KCNMA1: variants seen among roughly 807,000 people sequenced by gnomAD.
KCNMA1 encodes the protein Calcium-activated potassium channel subunit alpha-1.
KCNMA1 carries 29 observed loss-of-function variants against 140.0 expected under a neutral mutation model. The ratio of observed to expected loss-of-function variants is 0.21; its 90% CI spans 0.15 to 0.28. KCNMA1 has a LOEUF of 0.28. Ranked by LOEUF, KCNMA1 falls within the 10% of genes least tolerant of loss-of-function variation. The pLI, the probability that KCNMA1 is intolerant of heterozygous loss-of-function variation, is 1.00. For synonymous variants in KCNMA1, 612 were observed against 611.9 expected (o/e 1.00, Z 0.00); for missense variants, 880 against 1,602.2 (o/e 0.55, Z 7.70).
intron 1 of KCNMA1, among the ~76,000 whole-genome samples, chr10:77,461,159 G>A (rs1157301909): frequency 6.6e-6 from 1 of 151,302 alleles, no homozygotes; most frequent in East Asian, 1.9e-4. Context: ...TGGGTGATGG[G>A]TGCACTAAAA....
downstream of KCNMA1, among the ~76,000 whole-genome samples, chr10:76,883,387 A>AACCT (rs2035429587): frequency 6.6e-6 from 1 of 152,226 alleles, no homozygotes; most frequent in African/African-American, 2.4e-5. Context: ...CAGAATTTGA[A>AACCT]ACCTCTCCCA....
chr10:77,452,121 C>G (rs545784497), intron 1 of KCNMA1, among the ~76,000 whole-genome samples: 83 of 152,316 alleles, frequency 5.4e-4, no homozygotes, highest in African/African-American at 1.9e-3. Context: ...CCCTTTCCCC[C>G]GCCCTCCCAC....
At chr10:77,406,532 AC>A (rs2096479079) in intron 1 of KCNMA1, among the ~76,000 whole-genome samples, 1 of 152,072 alleles carries the variant, frequency 6.6e-6, no homozygotes, top group African/African-American at 2.4e-5. Context: ...CCATCCCAGA[AC>A]CTACATTCGA....
chr10:77,366,593 G>A (rs1441883372), intron 2 of KCNMA1, among the ~76,000 whole-genome samples: 2 of 152,226 alleles, frequency 1.3e-5, no homozygotes, highest in African/African-American at 2.4e-5. Context: ...TGTTGGTGAT[G>A]ACAGTGATGA....
intron 1 of KCNMA1, among the ~76,000 whole-genome samples, chr10:77,455,439 CTTCCT>C (rs1433983623): frequency 6.6e-6 from 1 of 152,038 alleles, no homozygotes; most frequent in Non-Finnish European, 1.5e-5. Context: ...CCATTCTAGG[CTTCCT>C]CAGAATTCCC....
At chr10:77,468,202 T>C (rs2098075442) in intron 1 of KCNMA1, among the ~76,000 whole-genome samples, 1 of 152,068 alleles carries the variant, frequency 6.6e-6, no homozygotes, top group Admixed American at 6.5e-5. Context: ...GAGACAGGGT[T>C]TCACCATGTG....
At chr10:77,016,860 T>A (rs766225175) in intron 17 of KCNMA1, among the ~76,000 whole-genome samples, 1 of 152,186 alleles carries the variant, frequency 6.6e-6, no homozygotes, top group Non-Finnish European at 1.5e-5. Context: ...CTTTTGTTGC[T>A]TTTTTGCAGT....
intron 2 of KCNMA1, among the ~76,000 whole-genome samples, chr10:77,391,423 G>C (rs1364017542): frequency 6.6e-6 from 1 of 152,188 alleles, no homozygotes; most frequent in Non-Finnish European, 1.5e-5. Context: ...CAAAAAGATA[G>C]CCTTGGTGCT....
chr10:76,996,072 G>A (rs1340156302), intron 19 of KCNMA1, among the ~76,000 whole-genome samples: 1 of 152,150 alleles, frequency 6.6e-6, no homozygotes, highest in Admixed American at 6.5e-5. Context: ...GGAAGGTGGT[G>A]AAAGCACAAC....
intron 5 of KCNMA1, among the ~76,000 whole-genome samples, chr10:77,128,974 C>T (rs2153980734): frequency 1.3e-5 from 2 of 152,310 alleles, no homozygotes; most frequent in Admixed American, 1.3e-4. Flanking sequence ...GGCTGCAAGG[C>T]AGTGGTCCCC....
intron 3 of KCNMA1, among the ~76,000 whole-genome samples, chr10:77,226,301 T>A (rs1310261915): frequency 6.6e-6 from 1 of 152,098 alleles, no homozygotes. Context: ...AACTAAGAGA[T>A]GTATACATCC....
intron 1 of KCNMA1, among the ~76,000 whole-genome samples, chr10:77,579,272 G>T (rs1420849762): frequency 2.6e-5 from 4 of 152,212 alleles, no homozygotes. Context: ...AAGCAGGAGG[G>T]ATCAGGGAGG....
intron 1 of KCNMA1, among the ~76,000 whole-genome samples, chr10:77,556,882 G>A (rs893809226): frequency 2.0e-5 from 3 of 152,158 alleles, no homozygotes; most frequent in African/African-American, 7.2e-5. Context: ...TCAATCACAA[G>A]CACAATCAAA....
At chr10:77,197,076 CAAT>C (rs2040747504) in intron 3 of KCNMA1, among the ~76,000 whole-genome samples, 1 of 152,108 alleles carries the variant, frequency 6.6e-6, no homozygotes, top group Middle Eastern at 3.2e-3. Flanking sequence ...ATTTACTAAT[CAAT>C]GATGTTGAAT....
At chr10:77,273,867 C>T (rs1362793872) in intron 2 of KCNMA1, among the ~76,000 whole-genome samples, 1 of 152,062 alleles carries the variant, frequency 6.6e-6, no homozygotes, top group Non-Finnish European at 1.5e-5. Context: ...TGACAAAGAC[C>T]CCTTATTCAG....
At chr10:77,463,688 G>C (rs1407886631) in intron 1 of KCNMA1, among the ~76,000 whole-genome samples, 1 of 152,168 alleles carries the variant, frequency 6.6e-6, no homozygotes, top group African/African-American at 2.4e-5. Context: ...GAGCCAGGAG[G>C]CCTCATGCAA....
chr10:76,873,430 T>A (rs2031759925), downstream of KCNMA1: 2 of 152,298 alleles, frequency 1.3e-5, no homozygotes, highest in African/African-American at 4.8e-5. Flanking sequence ...TCTGCTGGAT[T>A]AAAAAAATTG....
At chr10:77,347,395 A>T (rs2154382159) in intron 2 of KCNMA1, among the ~76,000 whole-genome samples, 1 of 152,338 alleles carries the variant, frequency 6.6e-6, no homozygotes, top group Non-Finnish European at 1.5e-5. Flanking sequence ...TTAGGATTGG[A>T]ACTCAGGACT....
At chr10:76,902,325 G>A (rs2045831385) in intron 25 of KCNMA1, 1 of 152,230 alleles carries the variant, frequency 6.6e-6, no homozygotes, top group Non-Finnish European at 1.5e-5. Flanking sequence ...GCAGGATCAT[G>A]TAGGTGAGAT....
Sources: gnomAD v4.1 joint callset for allele counts (sites outside exome capture counted in the v4.1 genomes callset) on GRCh38, gnomAD v4.1.1 for gene constraint, MANE v1.5 for transcripts, NCBI Gene and HGNC (gene_info 2026-07-23, HGNC 2026-07-21) for gene names.